The following GOLM1 variants were observed in gnomAD, a reference collection of about 807,000 sequenced individuals.
The protein encoded by GOLM1 is golgi membrane protein 1, also known as epididymis luminal protein 46.
GOLM1 carries 31 observed loss-of-function variants against 50.5 expected under a neutral mutation model. That is an observed-to-expected ratio of 0.61 (90% CI 0.46 to 0.83). The LOEUF is 0.83. GOLM1 is among the 40% of genes least tolerant of loss of function. GOLM1 has a pLI of 0.00. For synonymous variants in GOLM1, 178 were observed against 192.8 expected (o/e 0.92, Z 0.64); for missense variants, 491 against 501.3 (o/e 0.98, Z 0.20).
chr9:86,060,408 C>T (rs1563959767), intron 3 of GOLM1, among the ~76,000 whole-genome samples: 2 of 152,112 alleles, frequency 1.3e-5, no homozygotes, highest in South Asian at 4.1e-4. Context: ...CATTCACACA[C>T]ACAAACAACA....
At chr9:86,034,872 AAAG>A (rs1479227419) in intron 8 of GOLM1, 7,295 of 332,972 alleles carry the variant, frequency 0.022, 511 homozygotes, top group African/African-American at 0.15. Context: ...ATTTCTTTAA[AAAG>A]AAAAGAGTCA....
intron 9 of GOLM1, among the ~76,000 whole-genome samples, chr9:86,029,880 G>A (rs1022673797): frequency 2.6e-5 from 4 of 151,814 alleles, no homozygotes; most frequent in East Asian, 1.9e-4. Context: ...AGGCTTCACC[G>A]CAAAGCCCAT....
At chr9:86,067,164 A>C (rs887448412) in intron 3 of GOLM1, among the ~76,000 whole-genome samples, 1 of 152,182 alleles carries the variant, frequency 6.6e-6, no homozygotes, top group African/African-American at 2.4e-5. Flanking sequence ...ACCTCAAGTG[A>C]TCCACCGGCC....
chr9:86,045,016 A>G (rs1032478681), intron 5 of GOLM1, among the ~76,000 whole-genome samples: 1 of 152,086 alleles, frequency 6.6e-6, no homozygotes, highest in African/African-American at 2.4e-5. Context: ...ATGGCAATGG[A>G]TATTTTTATC....
At chr9:86,033,500 G>T (rs1833044502) in intron 8 of GOLM1, 105 bp from the exon 9 acceptor site, 1 of 699,076 alleles carries the variant, frequency 1.4e-6, no homozygotes, top group Non-Finnish European at 2.5e-6. Context: ...CTCACAATCA[G>T]ATCTGTCTGC....
intron 5 of GOLM1, 89 bp from the exon 6 acceptor site, chr9:86,040,957 C>A (rs577209089): frequency 4.6e-6 from 6 of 1,292,104 alleles, no homozygotes; most frequent in Admixed American, 2.1e-5. Flanking sequence ...GAGACACAGA[C>A]CCTCTTCCTG....
At chr9:86,046,758 G>C (rs1295494531) in intron 4 of GOLM1, among the ~76,000 whole-genome samples, 186 bp from the exon 5 acceptor site, 1 of 152,180 alleles carries the variant, frequency 6.6e-6, no homozygotes, top group Non-Finnish European at 1.5e-5. Context: ...CCCAGCTGTG[G>C]AGAGTGCTCT....
At chr9:86,042,547 G>A (rs541439363) in intron 5 of GOLM1, among the ~76,000 whole-genome samples, 15 of 152,322 alleles carry the variant, frequency 9.8e-5, no homozygotes, top group African/African-American at 3.1e-4. Context: ...CCGAGTTCCT[G>A]ACCTTGAACA....
intron 1 of GOLM1, among the ~76,000 whole-genome samples, chr9:86,097,067 C>CT (rs35392923): frequency 0.23 from 33,447 of 143,078 alleles, 6,345 homozygotes; most frequent in East Asian, 0.51. Context: ...AAGGCATGGA[C>CT]TTTTTTTTTT....
intron 3 of GOLM1, among the ~76,000 whole-genome samples, chr9:86,065,955 A>T (rs1282159357): frequency 6.6e-6 from 1 of 152,094 alleles, no homozygotes; most frequent in Admixed American, 6.5e-5. Flanking sequence ...CAGGAGAATC[A>T]TATGAACCCG....
At chr9:86,094,859 G>A (rs1400525738) in intron 1 of GOLM1, among the ~76,000 whole-genome samples, 7 of 152,130 alleles carry the variant, frequency 4.6e-5, no homozygotes, top group Admixed American at 4.6e-4. Flanking sequence ...CAAGGCAGGC[G>A]GATCACCTGA....
chr9:86,077,640 C>A (rs762003519), intron 2 of GOLM1, 49 bp from the exon 3 acceptor site: 13 of 1,389,598 alleles, frequency 9.4e-6, no homozygotes, highest in Non-Finnish European at 1.2e-5. Context: ...ACCTGAGGAG[C>A]CTGGACCACC....
At position 86,035,764 on chromosome 9, in the gene GOLM1, GAAC is replaced by G. The variant is rs1174497146; in HGVS notation, c.758-142_758-140del. On this transcript the variant is annotated intron_variant, in intron 7 of 9. Coordinates refer to ENST00000388712, the MANE Select transcript of GOLM1 (RefSeq NM_016548.4). ...GGGGTGGGGTGGGCTGCACACAGGAGAACAACCAGGTAGCTCCTTTTGTGACCT... is the reference window on the plus strand; with the variant it reads ...GGGGTGGGGTGGGCTGCACACAGGAGAACCAGGTAGCTCCTTTTGTGACCT... 5 of 702,338 alleles carry G rather than the reference GAAC, an allele frequency of 7.1e-6. No homozygotes were observed. The African/African-American group carries it at 7.5e-5, about 10-fold the overall frequency. The allele number at this position is 702,338 out of a possible 1,614,324, so 43.5% of individuals were successfully genotyped here.
chr9:86,099,086 C>G (rs7860792), intron 1 of GOLM1, among the ~76,000 whole-genome samples: 36,737 of 152,134 alleles, frequency 0.24, 7,525 homozygotes, highest in African/African-American at 0.54. Flanking sequence ...TGACAAAGCT[C>G]AGAACAAAAA....
At chr9:86,033,748 A>T (rs1052532385) in intron 8 of GOLM1, among the ~76,000 whole-genome samples, 1 of 152,210 alleles carries the variant, frequency 6.6e-6, no homozygotes, top group African/African-American at 2.4e-5. Context: ...ACAGCTAATG[A>T]CAGCATCTCC....
At chr9:86,082,260 T>C (rs1029369098) in intron 1 of GOLM1, among the ~76,000 whole-genome samples, 2 of 150,936 alleles carry the variant, frequency 1.3e-5, no homozygotes, top group East Asian at 4.3e-4. Flanking sequence ...TCTCCTGACC[T>C]TGTGATCCGC....
chr9:86,035,716 T>C lies in GOLM1; in HGVS notation c.758-91A>G. Reference sequence around the variant, plus strand: ...AAAGCAAAACCTGGTGCCACTCAATTCCCAGAGCCTTCCCAAGGAGTGGGG... The same window carrying C: ...AAAGCAAAACCTGGTGCCACTCAATCCCCAGAGCCTTCCCAAGGAGTGGGG... On this transcript the variant is annotated intron_variant, in intron 7 of 9. Coordinates refer to ENST00000388712, the MANE Select transcript of GOLM1 (RefSeq NM_016548.4). 9.3e-6 allele frequency: 11 copies of C among 1,186,748 alleles called. No homozygotes were observed. The South Asian group carries it at 1.7e-4, about 18-fold the overall frequency. 73.5% of individuals were successfully genotyped at this position (1,186,748 alleles called of 1,614,324 possible).
chr9:86,060,449 C>T (rs1261685117), intron 3 of GOLM1, among the ~76,000 whole-genome samples: 2 of 152,166 alleles, frequency 1.3e-5, no homozygotes, highest in African/African-American at 2.4e-5. Flanking sequence ...ATGCTTCATG[C>T]CTACAGCCAC....
At chr9:86,045,200 GAAACCCC>G (rs1238224424) in intron 5 of GOLM1, among the ~76,000 whole-genome samples, 1 of 151,016 alleles carries the variant, frequency 6.6e-6, no homozygotes, top group Non-Finnish European at 1.5e-5. Context: ...GGTTTTAGTA[GAAACCCC>G]GGGCGTGGTG....
Sources: allele counts gnomAD v4.1 joint callset (sites outside exome capture counted in the v4.1 genomes callset), GRCh38; gene constraint gnomAD v4.1.1; transcripts MANE v1.5; gene names NCBI Gene and HGNC (gene_info 2026-07-23, HGNC 2026-07-21).